The following MINDY4 variants were observed in gnomAD, a reference collection of about 807,000 sequenced individuals.
The protein encoded by MINDY4 is MINDY lysine 48 deubiquitinase 4.
A neutral mutation model predicts 87.0 loss-of-function variants in MINDY4; 68 were observed. That is an observed-to-expected ratio of 0.78 (90% CI 0.64 to 0.96). The LOEUF (loss-of-function observed/expected upper bound fraction) is 0.96, where lower values mean the gene tolerates loss of function less well. Among genes scored for constraint, MINDY4 ranks in the 40% least tolerant of loss-of-function variants. The pLI is 0.00. For synonymous variants in MINDY4, 379 were observed against 363.2 expected (o/e 1.04, Z -0.50); for missense variants, 919 against 928.2 (o/e 0.99, Z 0.13).
chr7:30,842,120 A>T (rs542692904), intron 9 of MINDY4, among the ~76,000 whole-genome samples: 10 of 152,190 alleles, frequency 6.6e-5, no homozygotes, highest in African/African-American at 2.4e-4. Context: ...ATTTTTTCCA[A>T]TGGTTTTGCA....
At chr7:30,786,320 G>A in intron 4 of MINDY4, 1 of 283,306 alleles carries the variant, frequency 3.5e-6, no homozygotes, top group Non-Finnish European at 6.7e-6. Context: ...CAGGTTCAGA[G>A]AGCATCTTTA....
intron 14 of MINDY4, 45 bp downstream of exon 14, chr7:30,872,351 G>C: frequency 6.4e-7 from 1 of 1,560,208 alleles, no homozygotes; most frequent in Non-Finnish European, 8.8e-7. Context: ...CCCCTCCTCT[G>C]TCCCTCAGAG....
chr7:30,859,319 A>C lies in MINDY4; in HGVS notation c.1740A>C (p.Thr580=). Residue 580 remains threonine (T), a synonymous_variant, in exon 13 of 18, where the codon ACA becomes ACC. Transcript: ENST00000265299. ...TTTCTGCCATCCTGTCCAGGTCTAC[A>C]GAGCTGTGAGTATCTTTCTCCCTCA... is the stretch of plus-strand genomic sequence containing the variant. The part of the protein sequence containing the change: ...LTLSAILSRS[T]ELIRQDFDVP... The C allele has an allele frequency of 6.2e-7, 1 of 1,614,120 alleles. No homozygotes were observed. Among genetic ancestry groups the C allele is most frequent in the South Asian group, 1.1e-5 (1 of 91,084 alleles).
chr7:30,878,381 T>G (rs1168200181), intron 15 of MINDY4, among the ~76,000 whole-genome samples: 1 of 152,084 alleles, frequency 6.6e-6, no homozygotes, highest in Non-Finnish European at 1.5e-5. Context: ...GGTAAACAGA[T>G]GAAACTCTGA....
intron 9 of MINDY4, among the ~76,000 whole-genome samples, chr7:30,847,478 G>T (rs944061629): frequency 6.6e-6 from 1 of 152,134 alleles, no homozygotes; most frequent in African/African-American, 2.4e-5. Context: ...AGGTGCCCAC[G>T]GCAGTTGGTT....
At chr7:30,822,524 A>T (rs750888701) in intron 5 of MINDY4, among the ~76,000 whole-genome samples, 11 of 152,156 alleles carry the variant, frequency 7.2e-5, no homozygotes, top group Non-Finnish European at 1.6e-4. Context: ...CCCATAATCA[A>T]ATCTTTCTCA....
intron 9 of MINDY4, 80 bp downstream of exon 9, chr7:30,840,928 ATG>A: frequency 2.4e-6 from 3 of 1,246,986 alleles, no homozygotes. Flanking sequence ...GCAAGGAAGC[ATG>A]TGTGTTCCCT....
At position 30,793,454 on chromosome 7, in the gene MINDY4, C is replaced by T. The variant is rs1489918159; in HGVS notation, c.1073+1880C>T. Among the ~76,000 whole-genome samples the T allele has an allele frequency of 4.9e-5, 7 of 141,486 alleles. No individual in the cohort carries two copies. The East Asian group carries it at 1.4e-3, about 28-fold the overall frequency. 92.8% of individuals were successfully genotyped at this position (141,486 alleles called of 152,430 possible). On this transcript the variant is annotated intron_variant, in intron 5 of 17. Coordinates refer to ENST00000265299, the MANE Select transcript of MINDY4 (RefSeq NM_032222.3). ...TTTTGGAGACAGGGTCTCATTCTGT[C>T]ACCTAGGATGGAGCACAGTGGCGCA...
intron 13 of MINDY4, among the ~76,000 whole-genome samples, chr7:30,871,847 A>C (rs1436084519): frequency 6.6e-6 from 1 of 152,206 alleles, no homozygotes; most frequent in Non-Finnish European, 1.5e-5. Context: ...TGGCAGACTG[A>C]GGCTCAGAGG....
chr7:30,868,062 G>C (rs1400046491), intron 13 of MINDY4, among the ~76,000 whole-genome samples: 1 of 152,204 alleles, frequency 6.6e-6, no homozygotes, highest in African/African-American at 2.4e-5. Context: ...GCTGGGACCT[G>C]GTCTCTAGGC....
intron 3 of MINDY4, among the ~76,000 whole-genome samples, chr7:30,783,945 C>T (rs10258266): frequency 0.056 from 8,515 of 152,200 alleles, 429 homozygotes; most frequent in East Asian, 0.21. Context: ...ATCTGGAAAA[C>T]AATGACATTA....
chr7:30,853,490 T>C (rs556944100), intron 12 of MINDY4, 31 bp downstream of exon 12: 4 of 1,555,882 alleles, frequency 2.6e-6, no homozygotes, highest in South Asian at 2.3e-5. Flanking sequence ...CTGTGGGATG[T>C]GCGTCACTAA....
chr7:30,866,997 C>A (rs1789957381), intron 13 of MINDY4, among the ~76,000 whole-genome samples: 1 of 152,216 alleles, frequency 6.6e-6, no homozygotes, highest in African/African-American at 2.4e-5. Context: ...GACCCTCTAG[C>A]CTGTGGGGCA....
At chr7:30,823,774 T>A (rs974876908) in intron 5 of MINDY4, among the ~76,000 whole-genome samples, 4 of 152,174 alleles carry the variant, frequency 2.6e-5, no homozygotes, top group Admixed American at 6.5e-5. Flanking sequence ...TCATTTCTCA[T>A]GTGTTTAAGA....
intron 6 of MINDY4, among the ~76,000 whole-genome samples, chr7:30,834,342 G>A (rs1207460216): frequency 6.6e-6 from 1 of 152,218 alleles, no homozygotes; most frequent in Non-Finnish European, 1.5e-5. Context: ...CTTAGGCCTT[G>A]CACCTTTGAA....
At chr7:30,812,572 A>G (rs1052046385) in intron 5 of MINDY4, among the ~76,000 whole-genome samples, 3 of 152,234 alleles carry the variant, frequency 2.0e-5, no homozygotes, top group Non-Finnish European at 4.4e-5. Flanking sequence ...ACCCAAGGCT[A>G]GCCCAAAACA....
rs775910067 is a variant in MINDY4, at chr7:30,785,975, A to G, written c.646A>G (p.Ile216Val). The G allele has an allele frequency of 1.7e-5, 28 of 1,614,048 alleles. No individual in the cohort carries two copies. The East Asian group carries it at 6.2e-4, about 36-fold the overall frequency. Residue 216 changes from isoleucine (I) to valine (V), a missense_variant, in exon 4 of 18, where the codon ATC (isoleucine) becomes GTC (valine). Ile to Val is a conservative substitution (Grantham distance 29). Transcript: ENST00000265299. ...LIVRGMMSGPIASSPQDSFHR... is the reference protein window; with the variant it reads ...LIVRGMMSGPVASSPQDSFHR... ...TGTGCGAGGCATGATGTCTGGGCCC[A>G]TCGCCAGCTCCCCACAGGTGGGGCT...
intron 5 of MINDY4, among the ~76,000 whole-genome samples, chr7:30,811,682 T>C (rs1201257313): frequency 6.6e-6 from 1 of 152,210 alleles, no homozygotes; most frequent in South Asian, 2.1e-4. Flanking sequence ...ATCAGTTATG[T>C]TATGTATAGA....
intron 6 of MINDY4, 129 bp from the exon 7 acceptor site, chr7:30,836,529 T>C: frequency 4.0e-6 from 3 of 749,682 alleles, no homozygotes; most frequent in Non-Finnish European, 6.9e-6. Flanking sequence ...GGTGAATGAA[T>C]GCGGGGAGGA....
Sources: gnomAD v4.1 joint callset for allele counts (sites outside exome capture counted in the v4.1 genomes callset) on GRCh38, gnomAD v4.1.1 for gene constraint, MANE v1.5 for transcripts, NCBI Gene and HGNC (gene_info 2026-07-23, HGNC 2026-07-21) for gene names.